BICRA: variants seen among roughly 807,000 people sequenced by gnomAD.
BICRA encodes BRD4 interacting chromatin remodeling complex associated protein, also known as BRD4-interacting chromatin-remodeling complex-associated protein.
Under a neutral mutation model 96.9 loss-of-function variants are expected in BICRA, and 31 were observed. The ratio of observed to expected loss-of-function variants is 0.32; its 90% CI spans 0.24 to 0.43. The LOEUF is 0.43. Ranked by LOEUF, BICRA falls within the 20% of genes least tolerant of loss-of-function variation. The probability of loss-of-function intolerance (pLI) is 1.00; values close to 1 mark genes in which losing one functional copy is unlikely to be tolerated. For missense variants in BICRA, 2,283 were observed against 2,190.3 expected (o/e 1.04, Z -0.84); for synonymous variants, 1,350 against 1,071.8 (o/e 1.26, Z -5.07).
intron 1 of BICRA, among the ~76,000 whole-genome samples, chr19:47,610,618 C>T (rs911091036): frequency 8.2e-6 from 1 of 121,406 alleles, no homozygotes; most frequent in Non-Finnish European, 1.8e-5. Flanking sequence ...ACCCCCCCCC[C>T]ACACACACAC....
chr19:47,694,190 G>A lies in BICRA; in HGVS notation c.2359G>A (p.Asp787Asn), dbSNP rs1383872735. The A allele has an allele frequency of 1.3e-6, 2 of 1,489,338 alleles. No individual in the cohort carries two copies. Among genetic ancestry groups the A allele is most frequent in the East Asian group, 2.5e-5 (1 of 39,870 alleles). 92.3% of individuals were successfully genotyped at this position (1,489,338 alleles called of 1,614,324 possible). A position where few individuals can be genotyped will look rare whatever the true frequency, so the allele number is the denominator to read the frequency against. Residue 787 changes from aspartate to asparagine, a missense_variant, in exon 8 of 15, where the codon GAC becomes AAC. Asp to Asn is a conservative substitution (Grantham distance 23). Coordinates refer to ENST00000594866, the MANE Select transcript of BICRA (RefSeq NM_001394372.1). ...ACTACCTCACCAGGCCCCTCTGGGG[G>A]ACAGCCCCCACCTGCCCTCCCCACA... is the stretch of plus-strand genomic sequence containing the variant. Reference protein sequence around the residue: ...PSLPHQAPLGDSPHLPSPHPT... With the variant: ...PSLPHQAPLGNSPHLPSPHPT...
At chr19:47,650,917 C>G (rs1261529613) in intron 1 of BICRA, among the ~76,000 whole-genome samples, 1 of 152,232 alleles carries the variant, frequency 6.6e-6, no homozygotes, top group Non-Finnish European at 1.5e-5. Context: ...GTCCACCCAT[C>G]TTGACACCAT....
In BICRA at chr19:47,694,296, G is replaced by GCCCCCCCCCCC; in HGVS notation, c.2471_2472insCCCCCCCCCCC (p.Gln826ProfsTer20). 2.5e-5 allele frequency: 16 copies of GCCCCCCCCCCC among 628,894 alleles called. No individual in the cohort carries two copies. Among genetic ancestry groups the GCCCCCCCCCCC allele is most frequent in the South Asian group, 1.2e-4 (6 of 51,990 alleles). 39.0% of individuals were successfully genotyped at this position (628,894 alleles called of 1,614,324 possible). A position where few individuals can be genotyped will look rare whatever the true frequency, so the allele number is the denominator to read the frequency against. ...CCCTCAGAGCCACCCTTGCACCCTT[G>GCCCCCCCCCCC]CCCCCCACCCCAGGCCCCCCCAACT... On this transcript the variant is annotated frameshift_variant, in exon 8 of 15. Coordinates refer to ENST00000594866, the MANE Select transcript of BICRA (RefSeq NM_001394372.1). LOFTEE classifies it high-confidence loss of function.
rs558570492 is a variant in BICRA at position 47,697,279 on chromosome 19, C to A, written c.3248+767C>A. Among the ~76,000 whole-genome samples, 20 of 151,996 alleles carry A rather than the reference C, an allele frequency of 1.3e-4. 1 individual carries two copies. The South Asian group carries it at 4.2e-3, about 32-fold the overall frequency. On this transcript the variant is annotated intron_variant, in intron 11 of 14. Transcript: ENST00000594866. ...GATTACAGGTGTGAGCCACCACGCC[C>A]AGCCCACCATGAGTGTTTTTTTAAA... is the stretch of plus-strand genomic sequence containing the variant.
intron 1 of BICRA, among the ~76,000 whole-genome samples, chr19:47,632,506 A>T (rs1599796215): frequency 6.6e-6 from 1 of 152,230 alleles, no homozygotes; most frequent in South Asian, 2.1e-4. Context: ...GGCACATCCC[A>T]GGTGATGGGA....
intron 1 of BICRA, among the ~76,000 whole-genome samples, chr19:47,627,889 C>T (rs536366787): frequency 6.6e-6 from 1 of 152,340 alleles, no homozygotes; most frequent in African/African-American, 2.4e-5. Flanking sequence ...TCTGCCTCAG[C>T]CTCCCAAGTA....
intron 2 of BICRA, among the ~76,000 whole-genome samples, chr19:47,671,182 G>A (rs962330965): frequency 6.6e-6 from 1 of 152,200 alleles, no homozygotes; most frequent in African/African-American, 2.4e-5. Flanking sequence ...AGCCCACTGT[G>A]GGGGGTCCCT....
chr19:47,652,559 C>A (rs1204998662), intron 1 of BICRA, among the ~76,000 whole-genome samples: 2 of 152,154 alleles, frequency 1.3e-5, no homozygotes, highest in Non-Finnish European at 2.9e-5. Flanking sequence ...GCTTTGGTGT[C>A]CAAGAATCCC....
In BICRA at chr19:47,680,813, A is replaced by C. The variant is rs747975590; in HGVS notation, c.1643A>C (p.Gln548Pro). The change falls in exon 6 of 15, where the codon CAG becomes CCG. Residue 548 changes from glutamine to proline, a missense_variant. Coordinates refer to ENST00000594866, the MANE Select transcript of BICRA (RefSeq NM_001394372.1). Reference sequence around the variant, plus strand: ...CACATCCTCTCCGCCGCTCCCATCCAGGTGGGCCAGCCTGCGCTCTTCCAG... The same window carrying C: ...CACATCCTCTCCGCCGCTCCCATCCCGGTGGGCCAGCCTGCGCTCTTCCAG... ...SAHILSAAPI[Q>P]VGQPALFQMP... The C allele has an allele frequency of 6.2e-7, 1 of 1,606,706 alleles. No individual in the cohort carries two copies. Among genetic ancestry groups the C allele is most frequent in the Non-Finnish European group, 8.5e-7 (1 of 1,178,540 alleles).
intron 1 of BICRA, among the ~76,000 whole-genome samples, chr19:47,626,005 T>C (rs1455574653): frequency 6.6e-6 from 1 of 152,038 alleles, no homozygotes; most frequent in Non-Finnish European, 1.5e-5. Flanking sequence ...TCCAGTCCTT[T>C]TAGGAATCTG....
chr19:47,678,901 C>G, intron 5 of BICRA: 1 of 153,210 alleles, frequency 6.5e-6, no homozygotes. Flanking sequence ...TTTTTTTCTT[C>G]TTTTTTTTTT....
rs1481135606 is a variant in BICRA, at chr19:47,675,539, G to C, written c.85-312G>C. Among the ~76,000 whole-genome samples, 3 of 152,210 alleles carry C rather than the reference G, an allele frequency of 2.0e-5. No individual in the cohort carries two copies. The highest frequency in any genetic ancestry group is 2.9e-5 in the Non-Finnish European group (2 of 68,032). On this transcript the variant is annotated intron_variant, in intron 4 of 14. Coordinates refer to ENST00000594866, the MANE Select transcript of BICRA (RefSeq NM_001394372.1). This position sits in a 1 kb window ranked among gnomAD's most constrained non-coding sequence, Gnocchi z 4.7. ...TGAAGGCTGTGCTACTGGAGAGACT[G>C]GGGGGCAGTGGCAGGGCGCAGCTTG...
chr19:47,694,636 C>A lies in BICRA; in HGVS notation c.2805C>A (p.Pro935=). 1 of 1,569,382 alleles carries A rather than the reference C, an allele frequency of 6.4e-7. No homozygotes were observed. Among genetic ancestry groups the A allele is most frequent in the Non-Finnish European group, 8.8e-7 (1 of 1,140,872 alleles). Residue 935 remains proline (P), a synonymous_variant, in exon 8 of 15, where the codon CCC becomes CCA. Coordinates refer to ENST00000594866, the MANE Select transcript of BICRA (RefSeq NM_001394372.1). ...TLHLVPEPAA[P]PPPPPRTFQM... ...ACCTGGTCCCTGAGCCGGCAGCACC[C>A]CCCCCACCGCCTCCTCGGACCTTCC...
chr19:47,685,055 C>T (rs111782646), intron 7 of BICRA, among the ~76,000 whole-genome samples: 49 of 152,150 alleles, frequency 3.2e-4, no homozygotes, highest in African/African-American at 1.0e-3. Flanking sequence ...CTACAACCTC[C>T]GCCTCCCATG....
At position 47,677,882 on chromosome 19, in the gene BICRA, T is replaced by C. The variant is rs566691430; in HGVS notation, c.151-1439T>C. On this transcript the variant is annotated intron_variant, in intron 5 of 14. Transcript: ENST00000594866. ...CCAATTCTGGAAAAGTGGTGCCATA[T>C]GTGTGGTGTGTGTCATGTCACACGC... is the stretch of plus-strand genomic sequence containing the variant. 9.2e-5 allele frequency among the ~76,000 whole-genome samples: 14 copies of C among 152,318 alleles called. No homozygotes were observed. In the East Asian group the frequency reaches 9.6e-4, roughly 10 times the overall value.
intron 7 of BICRA, among the ~76,000 whole-genome samples, chr19:47,691,851 G>A (rs1479538185): frequency 3.3e-5 from 5 of 152,236 alleles, no homozygotes; most frequent in South Asian, 4.1e-4. Flanking sequence ...GTGAGCCACC[G>A]CGGCCAGCCT....
intron 1 of BICRA, among the ~76,000 whole-genome samples, chr19:47,635,717 G>A (rs1972291644): frequency 1.3e-5 from 2 of 152,074 alleles, no homozygotes; most frequent in Non-Finnish European, 2.9e-5. Context: ...TTGTCCCTTT[G>A]TGTCTGGTTT....
chr19:47,694,023 G>C, intron 7 of BICRA, 92 bp from the exon 8 acceptor site: 1 of 1,412,268 alleles, frequency 7.1e-7, no homozygotes, highest in Admixed American at 2.9e-5. Flanking sequence ...GCTTCTGGCG[G>C]GGATGGCTGG....
At position 47,699,297 on chromosome 19, in the gene BICRA, C is replaced by A. The variant is rs1599872060; in HGVS notation, c.3493-6C>A. 3 of 1,535,432 alleles carry A rather than the reference C, an allele frequency of 2.0e-6. No individual in the cohort carries two copies. The highest frequency in any genetic ancestry group is 2.7e-6 in the Non-Finnish European group (3 of 1,130,108). On this transcript the variant is annotated splice_region_variant and splice_polypyrimidine_tract_variant and intron_variant, in intron 13 of 14. Transcript: ENST00000594866. The surrounding 1 kb of genome is among the most constrained non-coding windows in gnomAD (Gnocchi z 5.0). ...CACTCGCACGTCGTCTTTTCCCCCACCCCAGAGGGTGAGCCCCTCAGCGGA... is the reference window on the plus strand; with the variant it reads ...CACTCGCACGTCGTCTTTTCCCCCAACCCAGAGGGTGAGCCCCTCAGCGGA...
Sources: allele counts gnomAD v4.1 joint callset (sites outside exome capture counted in the v4.1 genomes callset), GRCh38; gene constraint gnomAD v4.1.1; non-coding constraint Gnocchi (gnomAD v3.1); transcripts MANE v1.5; gene names NCBI Gene and HGNC (gene_info 2026-07-23, HGNC 2026-07-21).